The following ITPR2 variants were observed in gnomAD, a reference collection of about 807,000 sequenced individuals.
The protein encoded by ITPR2 is inositol 1,4,5-trisphosphate-gated calcium channel ITPR2.
In ITPR2, 207 loss-of-function variants were observed where a neutral mutation model predicts 317.1. The ratio of observed to expected loss-of-function variants is 0.65; its 90% CI spans 0.58 to 0.73. ITPR2 has a LOEUF of 0.73. ITPR2 is among the 30% of genes least tolerant of loss of function. The pLI, the probability that ITPR2 is intolerant of heterozygous loss-of-function variation, is 0.00. For missense variants in ITPR2, 2,613 were observed against 3,284.0 expected (o/e 0.80, Z 4.99); for synonymous variants, 1,156 against 1,149.1 (o/e 1.01, Z -0.12).
intron 2 of ITPR2, among the ~76,000 whole-genome samples, chr12:26,745,645 C>T (rs1028013832): frequency 3.3e-5 from 5 of 152,112 alleles, no homozygotes; most frequent in Non-Finnish European, 7.4e-5. Flanking sequence ...TACAATTTAA[C>T]CAAGCAAAAA....
intron 37 of ITPR2, among the ~76,000 whole-genome samples, chr12:26,546,803 GA>G (rs1238392697): frequency 2.6e-5 from 4 of 152,104 alleles, no homozygotes; most frequent in Non-Finnish European, 5.9e-5. Context: ...TTACACTGGG[GA>G]AAGAACACCC....
chr12:26,425,409 A>G (rs772398268), intron 49 of ITPR2, among the ~76,000 whole-genome samples: 1 of 151,932 alleles, frequency 6.6e-6, no homozygotes, highest in Non-Finnish European at 1.5e-5. Flanking sequence ...TGGCTCACGC[A>G]TGTAATCCCA....
chr12:26,688,278 C>A (rs113897434), intron 10 of ITPR2, among the ~76,000 whole-genome samples: 1 of 152,034 alleles, frequency 6.6e-6, no homozygotes, highest in African/African-American at 2.4e-5. Context: ...TGAGCTCAAG[C>A]GATCCTCCCT....
At chr12:26,670,643 C>T (rs547191181) in intron 13 of ITPR2, among the ~76,000 whole-genome samples, 3 of 152,222 alleles carry the variant, frequency 2.0e-5, no homozygotes, top group Admixed American at 1.3e-4. Context: ...AGCAGAGCAC[C>T]TCTCCTCCTC....
intron 13 of ITPR2, 138 bp from the exon 14 acceptor site, chr12:26,666,189 G>A (rs1346528694): frequency 2.1e-4 from 54 of 255,002 alleles, no homozygotes; most frequent in South Asian, 9.9e-4. Flanking sequence ...CTTCAGGAGT[G>A]GAACTCAAAT....
At chr12:26,735,621 G>A (rs1949107881) in intron 2 of ITPR2, among the ~76,000 whole-genome samples, 1 of 152,204 alleles carries the variant, frequency 6.6e-6, no homozygotes, top group Non-Finnish European at 1.5e-5. Flanking sequence ...ATGCACATGT[G>A]GGATTACAAT....
At chr12:26,567,195 G>T (rs540477777) in intron 34 of ITPR2, among the ~76,000 whole-genome samples, 1 of 152,144 alleles carries the variant, frequency 6.6e-6, no homozygotes, top group Non-Finnish European at 1.5e-5. Context: ...ACAAAGAAGT[G>T]CTCAATGAAT....
intron 41 of ITPR2, among the ~76,000 whole-genome samples, chr12:26,484,370 A>C (rs1486580703): frequency 6.6e-6 from 1 of 152,118 alleles, no homozygotes; most frequent in Non-Finnish European, 1.5e-5. Flanking sequence ...TTGTTCATTA[A>C]TTATAAATGA....
At position 26,597,251 on chromosome 12, in the gene ITPR2, C is replaced by A; in HGVS notation, c.4003-117G>T. 3 of 1,131,584 alleles carry A rather than the reference C, an allele frequency of 2.7e-6. No homozygotes were observed. In the South Asian group the frequency reaches 4.1e-5, roughly 16 times the overall value. The allele number at this position is 1,131,584 out of a possible 1,614,324, so 70.1% of individuals were successfully genotyped here. Reference sequence around the variant, plus strand: ...TCTCTTCGTAAAAACATATATAATACGGCAAAGACAGAGCTATGCTTGGGG... The same window carrying A: ...TCTCTTCGTAAAAACATATATAATAAGGCAAAGACAGAGCTATGCTTGGGG... On this transcript the variant is annotated intron_variant, in intron 30 of 56. Transcript: ENST00000381340.
chr12:26,672,875 C>T (rs1418297257), intron 13 of ITPR2, among the ~76,000 whole-genome samples: 1 of 152,002 alleles, frequency 6.6e-6, no homozygotes, highest in Non-Finnish European at 1.5e-5. Context: ...GATATCACCA[C>T]CGATCCCACA....
In ITPR2 at chr12:26,390,917, T is replaced by G. The variant is rs376706575; in HGVS notation, c.7697-3323A>C. On this transcript the variant is annotated intron_variant, in intron 54 of 56. Coordinates refer to ENST00000381340, the MANE Select transcript of ITPR2 (RefSeq NM_002223.4). ...GGTAATGGGGCTATAAAAATTAGGT[T>G]CTTACTATCAATTAATCTGTAATAC... Among the ~76,000 whole-genome samples, 45 of 152,312 alleles carry G rather than the reference T, an allele frequency of 3.0e-4. No individual in the cohort carries two copies. In the East Asian group the frequency reaches 8.5e-3, roughly 29 times the overall value.
chr12:26,532,181 T>C (rs1452547793), intron 37 of ITPR2, among the ~76,000 whole-genome samples: 1 of 152,218 alleles, frequency 6.6e-6, no homozygotes, highest in Non-Finnish European at 1.5e-5. Context: ...CTTGGCTATA[T>C]CACGAGCTAA....
chr12:26,578,873 C>G, intron 33 of ITPR2, 40 bp from the exon 34 acceptor site: 1 of 1,569,796 alleles, frequency 6.4e-7, no homozygotes, highest in Non-Finnish European at 8.7e-7. Context: ...AGATGCTAAA[C>G]CATTAACAGC....
chr12:26,648,950 C>T (rs1947177119), intron 21 of ITPR2: 1 of 152,098 alleles, frequency 6.6e-6, no homozygotes, highest in Non-Finnish European at 1.5e-5. Context: ...AGAGAGAACC[C>T]AGCTATAATA....
At chr12:26,567,507 T>C (rs1184367765) in intron 34 of ITPR2, among the ~76,000 whole-genome samples, 1 of 152,164 alleles carries the variant, frequency 6.6e-6, no homozygotes, top group Non-Finnish European at 1.5e-5. Flanking sequence ...AGGTAAAATA[T>C]ACTACTTTCC....
intron 43 of ITPR2, among the ~76,000 whole-genome samples, chr12:26,479,523 A>T (rs557547394): frequency 5.9e-5 from 9 of 152,304 alleles, no homozygotes; most frequent in African/African-American, 1.9e-4. Context: ...AGACCTCTCT[A>T]TGTTGTTTCT....
chr12:26,808,522 A>G (rs56034361), intron 1 of ITPR2, among the ~76,000 whole-genome samples: 7,406 of 152,312 alleles, frequency 0.049, 586 homozygotes, highest in African/African-American at 0.17. Flanking sequence ...AGCAGTGTAC[A>G]TGACAGACCA....
At chr12:26,372,798 A>G (rs1375610196) in intron 55 of ITPR2, among the ~76,000 whole-genome samples, 1 of 152,194 alleles carries the variant, frequency 6.6e-6, no homozygotes, top group Non-Finnish European at 1.5e-5. Context: ...AGTGCTTCCA[A>G]ATGGTACTGG....
intron 48 of ITPR2, among the ~76,000 whole-genome samples, chr12:26,429,049 T>C (rs1397352070): frequency 6.6e-6 from 1 of 152,228 alleles, no homozygotes; most frequent in Non-Finnish European, 1.5e-5. Context: ...TGCTACCGCA[T>C]GCAAAACACC....
Sources: allele counts gnomAD v4.1 joint callset (sites outside exome capture counted in the v4.1 genomes callset), GRCh38; gene constraint gnomAD v4.1.1; transcripts MANE v1.5; gene names NCBI Gene and HGNC (gene_info 2026-07-23, HGNC 2026-07-21).